The following NRF1 variants were observed in gnomAD, a reference collection of about 807,000 sequenced individuals.
NRF1 encodes nuclear respiratory factor 1.
A neutral mutation model predicts 58.5 loss-of-function variants in NRF1; 5 were observed. That is an observed-to-expected ratio of 0.09 (90% CI 0.04 to 0.18). The LOEUF is 0.18. Ranked by LOEUF, NRF1 falls within the 10% of genes least tolerant of loss-of-function variation. The pLI is 1.00. For missense variants in NRF1, 288 were observed against 657.7 expected, an observed-to-expected ratio of 0.44 and a Z score of 6.15; for synonymous variants, 224 against 246.7, an observed-to-expected ratio of 0.91 and a Z score of 0.86.
chr7:129,630,317 G>C (rs1204415629), intron 1 of NRF1: 1 of 152,188 alleles, frequency 6.6e-6, no homozygotes, highest in Non-Finnish European at 1.5e-5. Flanking sequence ...TAAGGTGATA[G>C]TACTTACAGA....
intron 10 of NRF1, among the ~76,000 whole-genome samples, chr7:129,749,487 A>G (rs981324195): frequency 2.0e-5 from 3 of 151,916 alleles, no homozygotes; most frequent in Non-Finnish European, 2.9e-5. Context: ...ACAGGGAAAC[A>G]TGGTCCTGCA....
chr7:129,630,826 C>G (rs1257859737), intron 1 of NRF1, among the ~76,000 whole-genome samples: 3 of 152,042 alleles, frequency 2.0e-5, no homozygotes, highest in Non-Finnish European at 4.4e-5. Context: ...TTTATTTATT[C>G]TTTTAAAGAA....
intron 1 of NRF1, among the ~76,000 whole-genome samples, chr7:129,625,253 C>T (rs1800887494): frequency 6.6e-6 from 1 of 152,148 alleles, no homozygotes; most frequent in African/African-American, 2.4e-5. Flanking sequence ...TTAGAACCCA[C>T]CTAGATATTT....
intron 1 of NRF1, among the ~76,000 whole-genome samples, chr7:129,615,554 TG>T (rs1800642513): frequency 6.6e-6 from 1 of 152,272 alleles, no homozygotes; most frequent in Non-Finnish European, 1.5e-5. Context: ...TGTTCTTTCA[TG>T]TTTTCCTTGA....
At chr7:129,613,320 T>C (rs1159729177) in intron 1 of NRF1, among the ~76,000 whole-genome samples, 1 of 152,140 alleles carries the variant, frequency 6.6e-6, no homozygotes, top group Non-Finnish European at 1.5e-5. Flanking sequence ...TTTGATTCAT[T>C]AGTATCCCGA....
chr7:129,626,067 A>G (rs1018858626), intron 1 of NRF1, among the ~76,000 whole-genome samples: 2 of 151,270 alleles, frequency 1.3e-5, no homozygotes, highest in Non-Finnish European at 3.0e-5. Flanking sequence ...TGATCCTCCC[A>G]CCTTGGCCTG....
In NRF1 at chr7:129,657,343, T is replaced by C; in HGVS notation, c.-6-3T>C. ...GTTCTTTTTCTTTTTTGTCTGACAG[T>C]AGAACTTCATGGAGGAACACGGAGT... On this transcript the variant is annotated splice_region_variant and splice_polypyrimidine_tract_variant and intron_variant, in intron 1 of 10. Coordinates refer to ENST00000393232, the MANE Select transcript of NRF1 (RefSeq NM_005011.5). 6.2e-7 allele frequency: 1 copy of C among 1,605,288 alleles called. No homozygotes were observed. The highest frequency in any genetic ancestry group is 1.1e-5 in the South Asian group (1 of 90,862).
At chr7:129,737,853 A>C (rs1330966321) in intron 10 of NRF1, among the ~76,000 whole-genome samples, 1 of 152,246 alleles carries the variant, frequency 6.6e-6, no homozygotes, top group Non-Finnish European at 1.5e-5. Context: ...ACACTGTGAT[A>C]CTATTTGTAG....
In NRF1 at chr7:129,717,215, T is replaced by C. The variant is rs1803213538; in HGVS notation, c.1066-4T>C. ...TTTTTACTATCTTGTCCTTTCTGCC[T>C]CAGGTGGAACAAAATTGGGCCACGT... On this transcript the variant is annotated splice_region_variant and splice_polypyrimidine_tract_variant and intron_variant, in intron 8 of 10. Coordinates refer to ENST00000393232, the MANE Select transcript of NRF1 (RefSeq NM_005011.5). 1 of 1,598,078 alleles carries C rather than the reference T, an allele frequency of 6.3e-7. No homozygotes were observed. Among genetic ancestry groups the C allele is most frequent in the Non-Finnish European group, 8.5e-7 (1 of 1,173,348 alleles).
At chr7:129,624,278 C>T (rs1217307043) in intron 1 of NRF1, among the ~76,000 whole-genome samples, 1 of 152,096 alleles carries the variant, frequency 6.6e-6, no homozygotes, top group Non-Finnish European at 1.5e-5. Context: ...TATAATTTTA[C>T]ATTTGTTTGC....
At chr7:129,633,485 T>G (rs1801095954) in intron 1 of NRF1, 1 of 152,222 alleles carries the variant, frequency 6.6e-6, no homozygotes, top group African/African-American at 2.4e-5. Flanking sequence ...TAGATCTTTA[T>G]TAACATGCTA....
rs1333838759 is a variant in NRF1, at chr7:129,661,496, C to T, written c.223+3922C>T. 4.0e-5 allele frequency among the ~76,000 whole-genome samples: 6 copies of T among 151,102 alleles called. No individual in the cohort carries two copies. In the East Asian group the frequency reaches 9.6e-4, roughly 24 times the overall value. On this transcript the variant is annotated intron_variant, in intron 2 of 10. Transcript: ENST00000393232. ...CTTTGCTGCTTAGAAATTTCTTCTG[C>T]CAGATACCCTAAATCATCTCTCTCA...
At chr7:129,707,649 T>G (rs1280625930) in intron 5 of NRF1, among the ~76,000 whole-genome samples, 1 of 152,210 alleles carries the variant, frequency 6.6e-6, no homozygotes, top group African/African-American at 2.4e-5. Context: ...TGATGGGTTT[T>G]TAAATGGATA....
chr7:129,631,365 G>T (rs187861897), intron 1 of NRF1, among the ~76,000 whole-genome samples: 3 of 151,910 alleles, frequency 2.0e-5, no homozygotes, highest in Admixed American at 2.0e-4. Flanking sequence ...GATCACAAGC[G>T]TGCGCCACCA....
intron 1 of NRF1, among the ~76,000 whole-genome samples, chr7:129,634,911 A>G (rs1055493240): frequency 6.6e-6 from 1 of 152,200 alleles, no homozygotes; most frequent in Non-Finnish European, 1.5e-5. Flanking sequence ...TTGTCCCTAC[A>G]TAAATAATAC....
chr7:129,725,515 C>T (rs573452600), intron 9 of NRF1, among the ~76,000 whole-genome samples: 2 of 152,092 alleles, frequency 1.3e-5, no homozygotes, highest in Non-Finnish European at 2.9e-5. Flanking sequence ...TTAGTAAAGA[C>T]GGGGTTTCTC....
chr7:129,687,623 ACAGC>A (rs1163302636), intron 4 of NRF1, among the ~76,000 whole-genome samples: 1 of 152,192 alleles, frequency 6.6e-6, no homozygotes, highest in African/African-American at 2.4e-5. Flanking sequence ...GTAGTAGACA[ACAGC>A]CAAGACTCAC....
intron 5 of NRF1, among the ~76,000 whole-genome samples, chr7:129,705,275 GTTTT>G (rs560251999): frequency 6.6e-6 from 1 of 151,680 alleles, no homozygotes; most frequent in Non-Finnish European, 1.5e-5. Flanking sequence ...AGTCTTGTGG[GTTTT>G]TTTTGTTTCT....
intron 4 of NRF1, among the ~76,000 whole-genome samples, chr7:129,686,680 G>A (rs1200367399): frequency 6.6e-6 from 1 of 152,240 alleles, no homozygotes; most frequent in Admixed American, 6.5e-5. Flanking sequence ...ATGACAATAA[G>A]TGTTTCCAAA....
Sources: gnomAD v4.1 joint callset for allele counts (sites outside exome capture counted in the v4.1 genomes callset) on GRCh38, gnomAD v4.1.1 for gene constraint, MANE v1.5 for transcripts, NCBI Gene and HGNC (gene_info 2026-07-23, HGNC 2026-07-21) for gene names.